The following MICAL3 variants were observed in gnomAD, a reference collection of about 807,000 sequenced individuals.
MICAL3 encodes microtubule associated monooxygenase, calponin and LIM domain containing 3, also known as [F-actin]-monooxygenase MICAL3.
In MICAL3, 62 loss-of-function variants were observed where a neutral mutation model predicts 207.4. That is an observed-to-expected ratio of 0.30 (90% confidence interval 0.24 to 0.37). The LOEUF (loss-of-function observed/expected upper bound fraction) is 0.37. MICAL3 is among the 10% of genes least tolerant of loss of function. The pLI, the probability that MICAL3 is intolerant of heterozygous loss-of-function variation, is 1.00. For missense variants in MICAL3, 2,368 were observed against 2,635.6 expected, an observed-to-expected ratio of 0.90 and a Z score of 2.22; for synonymous variants, 1,077 against 1,069.3, an observed-to-expected ratio of 1.01 and a Z score of -0.14.
chr22:17,822,212 G>A (rs45572336), intron 23 of MICAL3, 42 bp from the exon 24 acceptor site: 100,509 of 1,590,052 alleles, frequency 0.063, 3,510 homozygotes, highest in African/African-American at 0.14. Flanking sequence ...CACCCTAAGT[G>A]AGGCCAACTC....
rs7291150 is a variant in MICAL3 at position 17,922,956 on chromosome 22, A to G, written c.-74-16070T>C. On this transcript the variant is annotated intron_variant, in intron 1 of 31. Transcript: ENST00000441493. ...TGTATTTTCCCTTGAAATTAGCTTA[A>G]AAGAGTATGGGACTTAGGCATGATT... Among the ~76,000 whole-genome samples the G allele has an allele frequency of 3.3e-3, 501 of 152,286 alleles. 4 individuals carry two copies. Among genetic ancestry groups the G allele is most frequent in the African/African-American group, 0.012 (483 of 41,540 alleles).
rs1931409044 is a variant in MICAL3 at position 17,902,552 on chromosome 22, T to G, written c.589+79A>C. ...CTCTGGAAGCAGCCCTCAGGAGCCT[T>G]TGGTTTGCTCCCTCAATCTCATCTT... On this transcript the variant is annotated intron_variant, in intron 4 of 31. Coordinates refer to ENST00000441493, the MANE Select transcript of MICAL3 (RefSeq NM_015241.3). This position sits in a 1 kb window ranked among gnomAD's most constrained non-coding sequence, Gnocchi z 4.5. 3.5e-6 allele frequency: 3 copies of G among 851,970 alleles called. No individual in the cohort carries two copies. Among genetic ancestry groups the G allele is most frequent in the Non-Finnish European group, 5.6e-6 (3 of 533,282 alleles). 52.8% of individuals were successfully genotyped at this position (851,970 alleles called of 1,614,324 possible). A position where few individuals can be genotyped will look rare whatever the true frequency, so the allele number is the denominator to read the frequency against.
chr22:17,898,126 A>G (rs972265038), intron 7 of MICAL3, among the ~76,000 whole-genome samples: 4 of 151,694 alleles, frequency 2.6e-5, no homozygotes, highest in African/African-American at 4.8e-5. Flanking sequence ...AAAAACATGA[A>G]GGCAAAGTAA....
At position 17,818,191 on chromosome 22, in the gene MICAL3, C is replaced by T. The variant is rs752575337; in HGVS notation, c.4470G>A (p.Leu1490=). 2 of 1,565,312 alleles carry T rather than the reference C, an allele frequency of 1.3e-6. No individual in the cohort carries two copies. The highest frequency in any genetic ancestry group is 1.2e-5 in the South Asian group (1 of 86,360). The change falls in exon 26 of 32, where the codon TTG becomes TTA. Residue 1490 remains leucine, a synonymous_variant. Transcript: ENST00000441493. ...GGGGGGGCCGCATCCAGGTGGCGGG[C>T]AAGGGCGGCGGGACCACCGAGGCAT... ...EPNASVVPPP[L]PATWMRPPRE...
chr22:17,829,468 C>T (rs1042852186), intron 21 of MICAL3, among the ~76,000 whole-genome samples: 11 of 152,330 alleles, frequency 7.2e-5, no homozygotes, highest in Admixed American at 3.9e-4. Context: ...TGCACCCGGC[C>T]GTCAATTTGC....
At chr22:17,989,984 G>A (rs757229578) in intron 1 of MICAL3, among the ~76,000 whole-genome samples, 1 of 152,168 alleles carries the variant, frequency 6.6e-6, no homozygotes, top group African/African-American at 2.4e-5. Context: ...GCAGAGACAA[G>A]GTCGTAGTAC....
At chr22:17,888,099 T>G (rs1406371617) in intron 13 of MICAL3, among the ~76,000 whole-genome samples, 4 of 152,210 alleles carry the variant, frequency 2.6e-5, no homozygotes, top group African/African-American at 9.6e-5. Flanking sequence ...ATCACTAACA[T>G]TTATTAAGTA....
intron 1 of MICAL3, among the ~76,000 whole-genome samples, chr22:18,012,822 G>T (rs190396667): frequency 1.3e-5 from 2 of 152,334 alleles, no homozygotes; most frequent in East Asian, 3.9e-4. Context: ...CATTTATGGA[G>T]CCACTCCCTT....
At chr22:17,880,465 C>G (rs1929316763) in intron 16 of MICAL3, among the ~76,000 whole-genome samples, 1 of 152,236 alleles carries the variant, frequency 6.6e-6, no homozygotes, top group Admixed American at 6.5e-5. Context: ...GAACCATGGA[C>G]ACAGGTGGGG....
intron 19 of MICAL3, among the ~76,000 whole-genome samples, chr22:17,856,295 G>A (rs974807120): frequency 6.6e-6 from 1 of 152,182 alleles, no homozygotes; most frequent in African/African-American, 2.4e-5. Flanking sequence ...CAGAGAAGAG[G>A]GCTTTCTTGG....
chr22:17,989,937 A>G (rs1921474949), intron 1 of MICAL3, among the ~76,000 whole-genome samples: 1 of 152,164 alleles, frequency 6.6e-6, no homozygotes, highest in Non-Finnish European at 1.5e-5. Context: ...ACTGTTGTGT[A>G]TATTACCCTG....
chr22:17,791,107 T>C, intron 30 of MICAL3, 36 bp from the exon 31 acceptor site: 1 of 1,607,576 alleles, frequency 6.2e-7, no homozygotes, highest in South Asian at 1.1e-5. Context: ...CAAGCCACAG[T>C]GACTGGGGAC....
Position 17,818,693 on chromosome 22 carries a change from A to G in MICAL3, c.3968T>C (p.Leu1323Pro). 2 of 1,613,764 alleles carry G rather than the reference A, an allele frequency of 1.2e-6. No individual in the cohort carries two copies. The highest frequency in any genetic ancestry group is 1.7e-6 in the Non-Finnish European group (2 of 1,179,834). The change falls in exon 26 of 32, where the codon CTG (leucine) becomes CCG (proline). Residue 1323 changes from leucine to proline, a missense_variant. By Grantham distance (98) the Leu-to-Pro change is moderately conservative. This residue lies in a region of MICAL3 where 1,770 missense variants were observed against 1,863.2 expected (regional missense o/e 0.95). Transcript: ENST00000441493. ...AVDEALRRSD[L>P]VEEFWMKSAE... ...ACTCTTCATCCAGAACTCCTCCACC[A>G]GGTCGCTCCGTCTGAGGGCCTCATC...
In MICAL3 at chr22:17,885,954, A is replaced by G; in HGVS notation, c.2165T>C (p.Val722Ala). ...MDVAVGNQNK[V>A]KYMATQLLAK... ...CAGCAGCTGGGTCGCCATGTACTTCACTTTGTTCTGGTTCCCAACGGCAAC... is the reference window on the plus strand; with the variant it reads ...CAGCAGCTGGGTCGCCATGTACTTCGCTTTGTTCTGGTTCCCAACGGCAAC... The change falls in exon 16 of 32, where the codon GTG becomes GCG. Residue 722 changes from valine to alanine, a missense_variant. By Grantham distance (64) the Val-to-Ala change is moderately conservative. Coordinates refer to ENST00000441493, the MANE Select transcript of MICAL3 (RefSeq NM_015241.3). 6.2e-7 allele frequency: 1 copy of G among 1,613,942 alleles called. No individual in the cohort carries two copies. The highest frequency in any genetic ancestry group is 8.5e-7 in the Non-Finnish European group (1 of 1,179,878).
intron 7 of MICAL3, among the ~76,000 whole-genome samples, chr22:17,898,446 G>A (rs1221512513): frequency 6.6e-6 from 1 of 152,222 alleles, no homozygotes; most frequent in Non-Finnish European, 1.5e-5. Context: ...AGGTTCCTGG[G>A]TAGAAAGAGG....
At chr22:17,836,745 C>T (rs1269336141) in intron 20 of MICAL3, among the ~76,000 whole-genome samples, 5 of 151,490 alleles carry the variant, frequency 3.3e-5, no homozygotes, top group South Asian at 4.2e-4. Flanking sequence ...CCCAGGTTCA[C>T]GCCATTCTCC....
intron 21 of MICAL3, among the ~76,000 whole-genome samples, chr22:17,829,027 T>TG (rs1424592948): frequency 6.6e-6 from 1 of 152,198 alleles, no homozygotes; most frequent in African/African-American, 2.4e-5. Flanking sequence ...AGCCCATTGT[T>TG]GGAGCTGCTA....
rs563733769 is a variant in MICAL3 at position 17,871,844 on chromosome 22, G to T, written c.2421C>A (p.Ile807=). ...TLRLSAYAYD[I]EDGKFYCKPH... ...AGGCGCAGGGTGTCTCACCATCCTC[G>T]ATGTCGTAGGCGTAGGCCGAGAGGC... Residue 807 remains isoleucine (I), a synonymous_variant, in exon 17 of 32, where the codon ATC becomes ATA. Transcript: ENST00000441493. The T allele has an allele frequency of 6.2e-7, 1 of 1,604,054 alleles. No individual in the cohort carries two copies. Among genetic ancestry groups the T allele is most frequent in the African/African-American group, 1.3e-5 (1 of 74,818 alleles).
chr22:18,016,524 A>G, intron 1 of MICAL3, among the ~76,000 whole-genome samples: 1 of 152,114 alleles, frequency 6.6e-6, no homozygotes, highest in Non-Finnish European at 1.5e-5. Context: ...CTCCCTCCAA[A>G]CAGCCCTTGG....
Sources: allele counts gnomAD v4.1 joint callset (sites outside exome capture counted in the v4.1 genomes callset), GRCh38; gene constraint gnomAD v4.1.1; regional missense constraint gnomAD v4.1.1; non-coding constraint Gnocchi (gnomAD v3.1); transcripts MANE v1.5; gene names NCBI Gene and HGNC (gene_info 2026-07-23, HGNC 2026-07-21).